The following OTUD7A variants were observed in gnomAD, a reference collection of about 807,000 sequenced individuals.
OTUD7A encodes the protein OTU deubiquitinase 7A.
In OTUD7A, 12 loss-of-function variants were observed where a neutral mutation model predicts 65.7. That is an observed-to-expected ratio of 0.18 (90% CI 0.12 to 0.30). The LOEUF (loss-of-function observed/expected upper bound fraction) is 0.30, where lower values mean the gene tolerates loss of function less well. Ranked by LOEUF, OTUD7A falls within the 10% of genes least tolerant of loss-of-function variation. OTUD7A has a pLI of 1.00. For missense variants in OTUD7A, 1,148 were observed against 1,304.8 expected (o/e 0.88, Z 1.85); for synonymous variants, 641 against 586.3 (o/e 1.09, Z -1.35).
At chr15:31,510,536 C>CAT (rs531396819) in intron 8 of OTUD7A, among the ~76,000 whole-genome samples, 1 of 65,142 alleles carries the variant, frequency 1.5e-5, no homozygotes, top group African/African-American at 7.0e-5. Flanking sequence ...ATGTAACATA[C>CAT]ATATGTATAT....
At position 31,484,014 on chromosome 15, in the gene OTUD7A, G is replaced by GGCGGCGGCGGCGGCA. The variant is rs761156581; in HGVS notation, c.2067_2081dup (p.Ala692_Ala696dup). ...GCGGCGGCCGCTTGGCCGTGGCGGC[G>GGCGGCGGCGGCGGCA]GCGGCGGCGGCGGCAGCGGCGGCCG... On this transcript the variant is annotated inframe_insertion, in exon 13 of 13. Coordinates refer to ENST00000307050, the MANE Select transcript of OTUD7A (RefSeq NM_001382637.1). The surrounding 1 kb of genome is among the most constrained non-coding windows in gnomAD (Gnocchi z 4.5). 6.7e-6 allele frequency: 8 copies of GGCGGCGGCGGCGGCA among 1,192,082 alleles called. No homozygotes were observed. Among genetic ancestry groups the GGCGGCGGCGGCGGCA allele is most frequent in the Non-Finnish European group, 8.3e-6 (8 of 963,672 alleles). The allele number at this position is 1,192,082 out of a possible 1,614,324, so 73.8% of individuals were successfully genotyped here.
intron 1 of OTUD7A, among the ~76,000 whole-genome samples, chr15:31,722,325 C>T (rs1047917393): frequency 2.0e-5 from 3 of 152,186 alleles, no homozygotes; most frequent in East Asian, 3.8e-4. Context: ...ACCAAGCTGT[C>T]CAGGTCTACA....
At chr15:31,702,498 T>C (rs1298682675) in intron 1 of OTUD7A, among the ~76,000 whole-genome samples, 1 of 151,284 alleles carries the variant, frequency 6.6e-6, no homozygotes, top group Non-Finnish European at 1.5e-5. Flanking sequence ...ATTAAAAATG[T>C]AATTCTATTT....
At chr15:31,752,318 A>T (rs568438061) in intron 1 of OTUD7A, among the ~76,000 whole-genome samples, 17 of 152,352 alleles carry the variant, frequency 1.1e-4, no homozygotes, top group African/African-American at 4.1e-4. Flanking sequence ...GTATATGAGG[A>T]AAATCTATCC....
chr15:31,776,534 C>T (rs1895385322), intron 1 of OTUD7A, among the ~76,000 whole-genome samples: 1 of 152,174 alleles, frequency 6.6e-6, no homozygotes, highest in Admixed American at 6.5e-5. Flanking sequence ...TAATAAGGTT[C>T]ACCTTTCCTT....
chr15:31,820,972 A>C (rs944292636), intron 1 of OTUD7A, among the ~76,000 whole-genome samples: 2 of 151,700 alleles, frequency 1.3e-5, no homozygotes, highest in Non-Finnish European at 1.5e-5. Flanking sequence ...CGAGGCCCCC[A>C]GCCCTAGGCA....
At chr15:31,847,232 G>A (rs1897313199) in intron 1 of OTUD7A, among the ~76,000 whole-genome samples, 1 of 152,232 alleles carries the variant, frequency 6.6e-6, no homozygotes, top group Admixed American at 6.5e-5. Flanking sequence ...GCATGCTTCT[G>A]AAACAATTCC....
At chr15:31,652,708 T>C (rs1199796584) in intron 3 of OTUD7A, among the ~76,000 whole-genome samples, 1 of 151,852 alleles carries the variant, frequency 6.6e-6, no homozygotes. Context: ...AGATGGAAAA[T>C]AAACAGCATG....
chr15:31,726,346 C>G (rs1376443453), intron 1 of OTUD7A, among the ~76,000 whole-genome samples: 2 of 40,882 alleles, frequency 4.9e-5, no homozygotes, highest in Admixed American at 3.6e-4. Context: ...CACACACACA[C>G]GCACACACAC....
At chr15:31,722,299 C>A (rs977037822) in intron 1 of OTUD7A, among the ~76,000 whole-genome samples, 8 of 152,182 alleles carry the variant, frequency 5.3e-5, no homozygotes, top group East Asian at 1.9e-4. Context: ...CCTGCCACAG[C>A]TCCCATCTAG....
intron 3 of OTUD7A, among the ~76,000 whole-genome samples, chr15:31,621,515 T>C (rs903298692): frequency 1.3e-5 from 2 of 152,190 alleles, no homozygotes; most frequent in Non-Finnish European, 2.9e-5. Context: ...CCTTTACCAT[T>C]ATGTAATGGC....
chr15:31,727,462 G>A (rs1196066379), intron 1 of OTUD7A, among the ~76,000 whole-genome samples: 2 of 151,946 alleles, frequency 1.3e-5, no homozygotes, highest in African/African-American at 4.8e-5. Flanking sequence ...TATTCAATAG[G>A]TATTTTAGAA....
intron 3 of OTUD7A, among the ~76,000 whole-genome samples, chr15:31,591,834 T>A (rs1002984274): frequency 2.0e-5 from 3 of 152,126 alleles, no homozygotes; most frequent in African/African-American, 7.2e-5. Flanking sequence ...CGAACGAACA[T>A]CACCAAGGCA....
At chr15:31,754,186 T>C (rs973846659) in intron 1 of OTUD7A, among the ~76,000 whole-genome samples, 1 of 152,216 alleles carries the variant, frequency 6.6e-6, no homozygotes, top group African/African-American at 2.4e-5. Flanking sequence ...TGTCTATACA[T>C]GTCCTTAGCC....
intron 1 of OTUD7A, among the ~76,000 whole-genome samples, chr15:31,790,926 G>C (rs1895796595): frequency 6.6e-6 from 1 of 152,232 alleles, no homozygotes. Context: ...ACCTATGGAA[G>C]TGACATTTTT....
At chr15:31,598,375 C>T (rs1447914183) in intron 3 of OTUD7A, among the ~76,000 whole-genome samples, 4 of 152,114 alleles carry the variant, frequency 2.6e-5, no homozygotes, top group Admixed American at 6.5e-5. Context: ...GGCAGGGCGT[C>T]GCCTCACCCA....
In OTUD7A at chr15:31,723,402, C is replaced by T. The variant is rs77272973; in HGVS notation, c.-99-66325G>A. Among the ~76,000 whole-genome samples, 15 of 120,582 alleles carry T rather than the reference C, an allele frequency of 1.2e-4. No homozygotes were observed. The South Asian group carries it at 2.4e-3, about 20-fold the overall frequency. 79.1% of individuals were successfully genotyped at this position (120,582 alleles called of 152,430 possible). On this transcript the variant is annotated intron_variant, in intron 1 of 12. Coordinates refer to ENST00000307050, the MANE Select transcript of OTUD7A (RefSeq NM_001382637.1). ...CCCCCGCACCGCACGCCACCCCCCC[C>T]CCCCCGCCCCCCGTTTGCCCATGAA...
intron 8 of OTUD7A, among the ~76,000 whole-genome samples, chr15:31,525,663 T>G (rs891843066): frequency 6.6e-6 from 1 of 152,232 alleles, no homozygotes; most frequent in African/African-American, 2.4e-5. Flanking sequence ...GAGCAACACC[T>G]TTGCTTTCAG....
At chr15:31,785,725 G>A (rs1895654919) in intron 1 of OTUD7A, among the ~76,000 whole-genome samples, 1 of 152,212 alleles carries the variant, frequency 6.6e-6, no homozygotes, top group Admixed American at 6.5e-5. Context: ...AAAGCAGTGA[G>A]AGCCTGCCCT....
Sources: allele counts gnomAD v4.1 joint callset (sites outside exome capture counted in the v4.1 genomes callset), GRCh38; gene constraint gnomAD v4.1.1; non-coding constraint Gnocchi (gnomAD v3.1); transcripts MANE v1.5; gene names NCBI Gene and HGNC (gene_info 2026-07-23, HGNC 2026-07-21).